The following DOCK5 variants were observed in gnomAD, a reference collection of about 807,000 sequenced individuals.
DOCK5 encodes the protein dedicator of cytokinesis protein 5.
A neutral mutation model predicts 251.8 loss-of-function variants in DOCK5; 142 were observed. The observed-to-expected ratio is 0.56, with a 90% confidence interval of 0.49 to 0.65. The LOEUF (loss-of-function observed/expected upper bound fraction) is 0.65. DOCK5 is among the 30% of genes least tolerant of loss of function. The pLI is 0.00. For missense variants in DOCK5, 2,111 were observed against 2,312.3 expected, an observed-to-expected ratio of 0.91 and a Z score of 1.79; for synonymous variants, 842 against 835.5, an observed-to-expected ratio of 1.01 and a Z score of -0.13.
intron 2 of DOCK5, among the ~76,000 whole-genome samples, chr8:25,254,829 A>C (rs1392179277): frequency 6.6e-6 from 1 of 150,646 alleles, no homozygotes; most frequent in African/African-American, 2.4e-5. Flanking sequence ...ACTATTATCT[A>C]AAACGTATAA....
Position 25,374,669 on chromosome 8 carries a change from G to C in DOCK5, c.3816+15G>C, listed in dbSNP as rs1800933440. 4 of 1,613,784 alleles carry C rather than the reference G, an allele frequency of 2.5e-6. No individual in the cohort carries two copies. The East Asian group carries it at 8.9e-5, about 36-fold the overall frequency. On this transcript the variant is annotated intron_variant, in intron 37 of 51. Transcript: ENST00000276440. The stretch of plus-strand genomic sequence containing the variant: ...AGCTTCTGCAGGTGAATGGCTCAGA[G>C]AGCTTGTTTCAACAGGGTGGAGTAC...
At chr8:25,198,151 A>G (rs749161236) in intron 1 of DOCK5, among the ~76,000 whole-genome samples, 1 of 152,056 alleles carries the variant, frequency 6.6e-6, no homozygotes, top group Non-Finnish European at 1.5e-5. Flanking sequence ...ATTAGAATGC[A>G]CCCTCCTGAT....
intron 42 of DOCK5, among the ~76,000 whole-genome samples, chr8:25,391,197 CTGTGTGTG>C (rs760981712): frequency 0.15 from 3,460 of 22,690 alleles, 164 homozygotes; most frequent in African/African-American, 0.17. Flanking sequence ...ACCACCACAC[CTGTGTGTG>C]TGTGTGTGTG....
At chr8:25,307,521 C>T (rs1219329928) in intron 11 of DOCK5, among the ~76,000 whole-genome samples, 8 of 151,890 alleles carry the variant, frequency 5.3e-5, no homozygotes, top group African/African-American at 1.7e-4. Flanking sequence ...ATAAATGTAC[C>T]ATATATATTA....
intron 17 of DOCK5, among the ~76,000 whole-genome samples, chr8:25,325,156 A>G (rs369373575): frequency 2.0e-5 from 3 of 152,172 alleles, no homozygotes; most frequent in South Asian, 2.1e-4. Context: ...CTAGTTCACA[A>G]CTTATTCTGT....
At chr8:25,329,264 G>A (rs1805629946) in intron 18 of DOCK5, among the ~76,000 whole-genome samples, 1 of 152,006 alleles carries the variant, frequency 6.6e-6, no homozygotes. Context: ...TTAATTTTAT[G>A]TTAATAAATT....
chr8:25,237,273 GC>G (rs1433629662), intron 1 of DOCK5, among the ~76,000 whole-genome samples: 3 of 152,076 alleles, frequency 2.0e-5, no homozygotes, highest in Non-Finnish European at 2.9e-5. Context: ...GGGGGATGAG[GC>G]GGGAGGATCA....
chr8:25,380,373 C>T lies in DOCK5; in HGVS notation c.4005C>T (p.Tyr1335=), dbSNP rs142846654. 2.3e-4 allele frequency: 366 copies of T among 1,610,118 alleles called. 4 individuals are homozygous for T. The African/African-American group carries it at 3.2e-3, about 14-fold the overall frequency. Residue 1335 remains tyrosine, a synonymous_variant, in exon 39 of 52, where the codon TAC becomes TAT. Transcript: ENST00000276440. The stretch of plus-strand genomic sequence containing the variant: ...CTTACGAAAGCAAAGTATTTGACTA[C>T]GAGGGCCTTGGCAACCTCCTGGTGA... ...AETYESKVFD[Y]EGLGNLLKKR... is the part of the protein sequence containing the mutation.
At chr8:25,207,765 A>C (rs1444050536) in intron 1 of DOCK5, among the ~76,000 whole-genome samples, 2 of 152,240 alleles carry the variant, frequency 1.3e-5, no homozygotes, top group Non-Finnish European at 2.9e-5. Flanking sequence ...TAATGTTTTC[A>C]TGCCTGCTGA....
At chr8:25,188,625 T>G (rs1216640877) in intron 1 of DOCK5, among the ~76,000 whole-genome samples, 1 of 152,212 alleles carries the variant, frequency 6.6e-6, no homozygotes. Flanking sequence ...TGGGCTTTCT[T>G]AGTTCTTAAA....
chr8:25,227,673 A>G (rs1356423632), intron 1 of DOCK5, among the ~76,000 whole-genome samples: 1 of 152,206 alleles, frequency 6.6e-6, no homozygotes, highest in Non-Finnish European at 1.5e-5. Flanking sequence ...AAAAAGTCCA[A>G]GTGAGGTTCT....
Position 25,372,777 on chromosome 8 carries a change from C to T in DOCK5, c.3684+59C>T, listed in dbSNP as rs182077934. ...ACTGTCAGGCCGCCCCTGCACCCTA[C>T]AGCTCAGCTCTAGGTAGATCCCACA... On this transcript the variant is annotated intron_variant, in intron 35 of 51. Transcript: ENST00000276440. 64 of 1,520,514 alleles carry T rather than the reference C, an allele frequency of 4.2e-5. 1 individual carries two copies. The African/African-American group carries it at 7.2e-4, about 17-fold the overall frequency. 94.2% of individuals were successfully genotyped at this position (1,520,514 alleles called of 1,614,324 possible). A position where few individuals can be genotyped will look rare whatever the true frequency, so the allele number is the denominator to read the frequency against.
chr8:25,372,796 T>C, intron 35 of DOCK5, 78 bp downstream of exon 35: 1 of 1,433,618 alleles, frequency 7.0e-7, no homozygotes, highest in Non-Finnish European at 9.3e-7. Context: ...TCTAGGTAGA[T>C]CCCACAAACA....
At chr8:25,300,526 C>A (rs778041603) in intron 8 of DOCK5, 50 bp from the exon 9 acceptor site, 1 of 1,539,432 alleles carries the variant, frequency 6.5e-7, no homozygotes, top group South Asian at 1.2e-5. Context: ...AGCCTCATCT[C>A]CAACCCCAGT....
At chr8:25,393,248 A>T (rs1801291421) in intron 44 of DOCK5, among the ~76,000 whole-genome samples, 1 of 152,046 alleles carries the variant, frequency 6.6e-6, no homozygotes, top group Admixed American at 6.5e-5. Flanking sequence ...AATCATATCC[A>T]CAGTTACCCT....
Position 25,278,639 on chromosome 8 carries a change from G to T in DOCK5, c.295G>T (p.Ala99Ser), listed in dbSNP as rs778219103. ...GCTCACGTCCACTCTGCGAGAATGGGCTGTCATCTGGCGAAAGCTCTACGT... is the reference window on the plus strand; with the variant it reads ...GCTCACGTCCACTCTGCGAGAATGGTCTGTCATCTGGCGAAAGCTCTACGT... ...QELTSTLREW[A>S]VIWRKLYVNN... Residue 99 changes from alanine to serine, a missense_variant, in exon 5 of 52, where the codon GCT becomes TCT. By Grantham distance (99) the Ala-to-Ser change is moderately conservative (BLOSUM62 1). Coordinates refer to ENST00000276440, the MANE Select transcript of DOCK5 (RefSeq NM_024940.8). 6.2e-7 allele frequency: 1 copy of T among 1,613,918 alleles called. No homozygotes were observed. The highest frequency in any genetic ancestry group is 1.7e-5 in the Admixed American group (1 of 60,020).
intron 7 of DOCK5, among the ~76,000 whole-genome samples, chr8:25,298,363 C>G (rs1391655461): frequency 2.6e-5 from 4 of 152,146 alleles, no homozygotes; most frequent in African/African-American, 9.7e-5. Flanking sequence ...GAGCTTCATT[C>G]AGAAGCTATT....
At chr8:25,251,541 A>G (rs1233871013) in intron 2 of DOCK5, among the ~76,000 whole-genome samples, 1 of 152,224 alleles carries the variant, frequency 6.6e-6, no homozygotes, top group Non-Finnish European at 1.5e-5. Flanking sequence ...AGGAATAAAA[A>G]TGTATTAAGA....
chr8:25,246,896 T>G (rs1045663920), intron 2 of DOCK5, among the ~76,000 whole-genome samples: 9 of 151,984 alleles, frequency 5.9e-5, no homozygotes, highest in Non-Finnish European at 8.8e-5. Flanking sequence ...TTTTGTTTTT[T>G]TTTTCTTTGA....
Sources: allele counts gnomAD v4.1 joint callset (sites outside exome capture counted in the v4.1 genomes callset), GRCh38; gene constraint gnomAD v4.1.1; transcripts MANE v1.5; gene names NCBI Gene and HGNC (gene_info 2026-07-23, HGNC 2026-07-21).